CLHC1: variants seen among roughly 807,000 people sequenced by gnomAD.
CLHC1 encodes clathrin heavy chain linker domain containing 1, also known as clathrin heavy chain linker domain-containing protein 1.
CLHC1 carries 72 observed loss-of-function variants against 69.5 expected under a neutral mutation model. That is an observed-to-expected ratio of 1.04 (90% CI 0.86 to 1.26). The LOEUF is 1.26. Ranked by LOEUF, CLHC1 falls within the 50% of genes most tolerant of loss-of-function variation. The probability of loss-of-function intolerance (pLI) is 0.00; values close to 1 mark genes in which losing one functional copy is unlikely to be tolerated. For synonymous variants in CLHC1, 223 were observed against 224.3 expected (o/e 0.99, Z 0.05); for missense variants, 790 against 679.3 (o/e 1.16, Z -1.81).
At chr2:55,177,520 G>C (rs1471142645) in intron 12 of CLHC1, 82 bp downstream of exon 12, 5 of 929,952 alleles carry the variant, frequency 5.4e-6, no homozygotes, top group African/African-American at 1.7e-5. Flanking sequence ...AGGGAAATTT[G>C]AGTTAACTCA....
chr2:55,213,070 T>C (rs1673165317), intron 4 of CLHC1, among the ~76,000 whole-genome samples: 3 of 152,228 alleles, frequency 2.0e-5, no homozygotes, highest in African/African-American at 7.2e-5. Flanking sequence ...TTCTCTTTAG[T>C]AGAAAATTAC....
At chr2:55,185,153 T>A (rs1670308308) in intron 9 of CLHC1, among the ~76,000 whole-genome samples, 1 of 151,514 alleles carries the variant, frequency 6.6e-6, no homozygotes, top group South Asian at 2.1e-4. Flanking sequence ...AAATAGAGAG[T>A]AGAAACTAGC....
intron 9 of CLHC1, among the ~76,000 whole-genome samples, chr2:55,188,007 A>G (rs1015484391): frequency 3.3e-5 from 5 of 152,196 alleles, no homozygotes; most frequent in African/African-American, 1.2e-4. Context: ...ACAAAATGGG[A>G]AATCCAAATA....
At position 55,227,362 on chromosome 2, in the gene CLHC1, C is replaced by G. The variant is rs148198238; in HGVS notation, c.-83+670G>C. The stretch of plus-strand genomic sequence containing the variant: ...GAAGCTTATGATCTAGTAGGGGAGA[C>G]AAACTATAAATAAATAATTTCAAAT... On this transcript the variant is annotated intron_variant, in intron 2 of 12. Transcript: ENST00000401408. 2.0e-5 allele frequency among the ~76,000 whole-genome samples: 3 copies of G among 151,588 alleles called. No individual in the cohort carries two copies. The East Asian group carries it at 5.8e-4, about 29-fold the overall frequency.
chr2:55,220,251 T>C (rs1247844450), intron 3 of CLHC1, among the ~76,000 whole-genome samples: 1 of 152,182 alleles, frequency 6.6e-6, no homozygotes, highest in Non-Finnish European at 1.5e-5. Context: ...TACCCAGAGA[T>C]GCAAGCTGAC....
chr2:55,209,037 A>T (rs1266927049), intron 7 of CLHC1, among the ~76,000 whole-genome samples: 1 of 151,538 alleles, frequency 6.6e-6, no homozygotes, highest in Non-Finnish European at 1.5e-5. Context: ...CACCCGGCTA[A>T]TTTTTTGTAT....
intron 6 of CLHC1, 31 bp from the exon 7 acceptor site, chr2:55,209,547 T>C: frequency 6.3e-7 from 1 of 1,577,982 alleles, no homozygotes; most frequent in Non-Finnish European, 8.7e-7. Flanking sequence ...AATAACACAC[T>C]GAGCCTAAAA....
chr2:55,216,742 C>T (rs1673551863), intron 4 of CLHC1, among the ~76,000 whole-genome samples: 1 of 152,090 alleles, frequency 6.6e-6, no homozygotes, highest in Non-Finnish European at 1.5e-5. Flanking sequence ...AGGCTGATTT[C>T]AAACTCCTGG....
rs1194641111 is a variant in CLHC1, at chr2:55,172,753, A to G, written c.*3037T>C. On this transcript the variant is annotated 3_prime_UTR_variant, in exon 13 of 13. Coordinates refer to ENST00000401408, the MANE Select transcript of CLHC1 (RefSeq NM_152385.4). The stretch of plus-strand genomic sequence containing the variant: ...TGATTTTTGACTTAACATATGCTTT[A>G]GCAATCCAACAGAATTCCAGGCACC... Among the ~76,000 whole-genome samples, 4 of 151,218 alleles carry G rather than the reference A, an allele frequency of 2.6e-5. No homozygotes were observed. The highest frequency in any genetic ancestry group is 4.4e-5 in the Non-Finnish European group (3 of 67,846).
chr2:55,219,450 C>T (rs1673902526), intron 3 of CLHC1, among the ~76,000 whole-genome samples: 1 of 152,192 alleles, frequency 6.6e-6, no homozygotes, highest in Admixed American at 6.5e-5. Flanking sequence ...CCCAAAATCA[C>T]ATTTTCAGCT....
chr2:55,223,527 G>A (rs977514616), intron 2 of CLHC1, among the ~76,000 whole-genome samples: 1 of 152,094 alleles, frequency 6.6e-6, no homozygotes, highest in African/African-American at 2.4e-5. Flanking sequence ...GCTGTGCTCC[G>A]AGCGCCAAGG....
At chr2:55,224,559 T>A (rs1674504771) in intron 2 of CLHC1, 1 of 280,558 alleles carries the variant, frequency 3.6e-6, no homozygotes, top group Admixed American at 4.3e-5. Flanking sequence ...CAGGGCGACA[T>A]GCACACAGGG....
In CLHC1 at chr2:55,172,620, A is replaced by G. The variant is rs985684615; in HGVS notation, c.*3170T>C. ...ACTACTAGCAAACTGACAGCTTTAT[A>G]CACCGAACATTTGTTAAATGCCATT... On this transcript the variant is annotated 3_prime_UTR_variant, in exon 13 of 13. Coordinates refer to ENST00000401408, the MANE Select transcript of CLHC1 (RefSeq NM_152385.4). Among the ~76,000 whole-genome samples, 2 of 151,888 alleles carry G rather than the reference A, an allele frequency of 1.3e-5. No homozygotes were observed. The highest frequency in any genetic ancestry group is 2.4e-5 in the African/African-American group (1 of 41,412).
intron 9 of CLHC1, among the ~76,000 whole-genome samples, chr2:55,182,826 A>C (rs917090939): frequency 5.3e-5 from 8 of 152,044 alleles, no homozygotes; most frequent in Admixed American, 5.2e-4. Context: ...AGAGGTCTGC[A>C]TGCAGACCAG....
At chr2:55,214,795 A>T (rs1673338976) in intron 4 of CLHC1, 1 of 152,262 alleles carries the variant, frequency 6.6e-6, no homozygotes, top group Admixed American at 6.5e-5. Flanking sequence ...AAATGGAAAC[A>T]ATCCAAGTGT....
chr2:55,208,985 C>G (rs778406811), intron 7 of CLHC1, among the ~76,000 whole-genome samples: 4 of 151,586 alleles, frequency 2.6e-5, no homozygotes, highest in African/African-American at 9.7e-5. Context: ...ATTCTCCTGC[C>G]TCAGCCTCCC....
At chr2:55,176,480 G>T (rs1372693157) in intron 12 of CLHC1, among the ~76,000 whole-genome samples, 1 of 152,180 alleles carries the variant, frequency 6.6e-6, no homozygotes, top group Non-Finnish European at 1.5e-5. Flanking sequence ...TCTTTATCCT[G>T]TCTCTAGCTG....
intron 9 of CLHC1, among the ~76,000 whole-genome samples, chr2:55,187,339 G>A (rs752717001): frequency 9.2e-5 from 13 of 140,692 alleles, no homozygotes; most frequent in South Asian, 2.2e-4. Context: ...TGGGCCAGGC[G>A]TGGTGGCTCA....
chr2:55,205,875 C>G (rs988907076), intron 9 of CLHC1: 2 of 162,308 alleles, frequency 1.2e-5, no homozygotes, highest in African/African-American at 5.2e-5. Flanking sequence ...GCCTGGACAA[C>G]AAGAATGAAA....
Sources: gnomAD v4.1 joint callset for allele counts (sites outside exome capture counted in the v4.1 genomes callset) on GRCh38, gnomAD v4.1.1 for gene constraint, MANE v1.5 for transcripts, NCBI Gene and HGNC (gene_info 2026-07-23, HGNC 2026-07-21) for gene names.